WDR38: variants seen among roughly 807,000 people sequenced by gnomAD.
The protein encoded by WDR38 is WD repeat-containing protein 38.
A neutral mutation model predicts 36.6 loss-of-function variants in WDR38; 37 were observed. The observed-to-expected ratio is 1.01, with a 90% CI of 0.78 to 1.33. The LOEUF (loss-of-function observed/expected upper bound fraction) is 1.33. Among genes scored for constraint, WDR38 ranks in the 40% most tolerant of loss-of-function variants. The pLI is 0.00. For missense variants in WDR38, 411 were observed against 414.6 expected, an observed-to-expected ratio of 0.99 and a Z score of 0.07; for synonymous variants, 164 against 168.1, an observed-to-expected ratio of 0.98 and a Z score of 0.19.
chr9:124,854,230 A>G lies in WDR38; in HGVS notation c.95A>G (p.Asp32Gly), dbSNP rs745846952. ...GEVNSSAFSP[D>G]GQMLLTGSED... ...GTCAACTCTTCTGCCTTCTCCCCTG[A>G]TGGCCAGATGCTGCTCACAGGCTCA... The change falls in exon 2 of 9, where the codon GAT becomes GGT. Residue 32 changes from aspartate (D) to glycine (G), a missense_variant. Physicochemically the swap from Asp to Gly is moderately conservative, Grantham distance 94 (BLOSUM62 -1). Coordinates refer to ENST00000373574, the MANE Select transcript of WDR38 (RefSeq NM_001045476.3). The G allele has an allele frequency of 3.7e-6, 6 of 1,614,138 alleles. No individual in the cohort carries two copies. Among genetic ancestry groups the G allele is most frequent in the Middle Eastern group, 1.6e-4 (1 of 6,062 alleles).
rs1829123501 is a variant in WDR38 at position 124,857,726 on chromosome 9, C to T, written c.*96C>T. 2.6e-6 allele frequency: 4 copies of T among 1,563,942 alleles called. No individual in the cohort carries two copies. In the South Asian group the frequency reaches 3.5e-5, roughly 14 times the overall value. On this transcript the variant is annotated 3_prime_UTR_variant, in exon 9 of 9. Transcript: ENST00000373574. ...CACAGACGCAAAGTGACTGTGCTGG[C>T]ATCCAGCAGATCCCCATGGCCAGGA... is the stretch of plus-strand genomic sequence containing the variant.
Position 124,856,569 on chromosome 9 carries a change from G to C in WDR38, c.587G>C (p.Ser196Thr). Residue 196 changes from serine to threonine, a missense_variant, in exon 6 of 9, where the codon AGC becomes ACC. Coordinates refer to ENST00000373574, the MANE Select transcript of WDR38 (RefSeq NM_001045476.3). ...QALEGHSANISCLCYSASGLL... is the reference protein window; with the variant it reads ...QALEGHSANITCLCYSASGLL... ...CTAGAGGGACACAGTGCCAACATCA[G>C]CTGCCTGTGCTATTCAGCATCCGGC... The C allele has an allele frequency of 6.2e-7, 1 of 1,613,874 alleles. No individual in the cohort carries two copies. Among genetic ancestry groups the C allele is most frequent in the Non-Finnish European group, 8.5e-7 (1 of 1,179,940 alleles).
rs921463883 is a variant in WDR38, at chr9:124,856,464, T to G, written c.487-5T>G. 3.7e-6 allele frequency: 6 copies of G among 1,612,066 alleles called. No individual in the cohort carries two copies. The highest frequency in any genetic ancestry group is 5.1e-6 in the Non-Finnish European group (6 of 1,179,154). On this transcript the variant is annotated splice_polypyrimidine_tract_variant and splice_region_variant and intron_variant, in intron 5 of 8. Transcript: ENST00000373574. Reference sequence around the variant, plus strand: ...CTGGGCCAGACTCACAGAAGCTGCCTGCAGGCCACCGGCTCCTGGGACTCC... The same window carrying G: ...CTGGGCCAGACTCACAGAAGCTGCCGGCAGGCCACCGGCTCCTGGGACTCC...
At chr9:124,857,287 TG>T in intron 7 of WDR38, 76 bp from the exon 8 acceptor site, 1 of 1,588,598 alleles carries the variant, frequency 6.3e-7, no homozygotes, top group African/African-American at 1.3e-5. Context: ...ATATTTTGTC[TG>T]GGACTTTCCT....
chr9:124,855,771 G>T, intron 3 of WDR38, 21 bp downstream of exon 3: 2 of 1,613,186 alleles, frequency 1.2e-6, no homozygotes, highest in Non-Finnish European at 8.5e-7. Context: ...TGGGAGCCAA[G>T]CAGCCAGGCC....
At position 124,855,845 on chromosome 9, in the gene WDR38, G is replaced by A. The variant is rs376579948; in HGVS notation, c.308-16G>A. On this transcript the variant is annotated splice_polypyrimidine_tract_variant and intron_variant, in intron 3 of 8. Transcript: ENST00000373574. The stretch of plus-strand genomic sequence containing the variant: ...TCACCTTTCCACCTTCCCCGACCCC[G>A]GGCTGGTGCCTGCAGGTCACCAACG... 72 of 1,613,926 alleles carry A rather than the reference G, an allele frequency of 4.5e-5. No homozygotes were observed. The African/African-American group carries it at 8.3e-4, about 19-fold the overall frequency.
chr9:124,856,371 TG>T, intron 5 of WDR38, 51 bp downstream of exon 5: 2 of 1,613,348 alleles, frequency 1.2e-6, no homozygotes, highest in Non-Finnish European at 8.5e-7. Flanking sequence ...CATACCCACT[TG>T]GAGCTGAGTG....
At position 124,853,507 on chromosome 9, in the gene WDR38, C is replaced by CG; in HGVS notation, c.-21dup. On this transcript the variant is annotated 5_prime_UTR_variant, in exon 1 of 9. Coordinates refer to ENST00000373574, the MANE Select transcript of WDR38 (RefSeq NM_001045476.3). The stretch of plus-strand genomic sequence containing the variant: ...CGCGGCCGCCTAGGAGGGAGCCCGC[C>CG]GGGGCGGGGCGGGGCCGGGTGCCCA... 1 of 1,239,094 alleles carries CG rather than the reference C, an allele frequency of 8.1e-7. No homozygotes were observed. 76.8% of individuals were successfully genotyped at this position (1,239,094 alleles called of 1,614,324 possible).
chr9:124,857,593 C>T lies in WDR38; in HGVS notation c.908C>T (p.Ser303Phe), dbSNP rs1829117816. Reference protein sequence around the residue: ...GAADQTRRQISRTSKSPRDPQ... With the variant: ...GAADQTRRQIFRTSKSPRDPQ... Reference sequence around the variant, plus strand: ...GCCGATCAGACTAGACGTCAAATATCCCGCACGTCCAAATCACCCAGGGAC... The same window carrying T: ...GCCGATCAGACTAGACGTCAAATATTCCGCACGTCCAAATCACCCAGGGAC... The change falls in exon 9 of 9, where the codon TCC (serine) becomes TTC (phenylalanine). Residue 303 changes from serine (S) to phenylalanine (F), a missense_variant. Transcript: ENST00000373574. 6.2e-7 allele frequency: 1 copy of T among 1,614,048 alleles called. No individual in the cohort carries two copies. The highest frequency in any genetic ancestry group is 8.5e-7 in the Non-Finnish European group (1 of 1,180,040).
Position 124,856,496 on chromosome 9 carries a change from C to G in WDR38, c.514C>G (p.His172Asp), listed in dbSNP as rs775409428. 1.2e-6 allele frequency: 2 copies of G among 1,612,306 alleles called. No homozygotes were observed. Among genetic ancestry groups the G allele is most frequent in the Non-Finnish European group, 1.7e-6 (2 of 1,179,212 alleles). Residue 172 changes from histidine to aspartate, a missense_variant, in exon 6 of 9, where the codon CAC (histidine) becomes GAC (aspartate). Coordinates refer to ENST00000373574, the MANE Select transcript of WDR38 (RefSeq NM_001045476.3). ...CACCGGCTCCTGGGACTCCACCGTA[C>G]ACATCTGGGACCTGCGGATGGTGAC... ...LATGSWDSTV[H>D]IWDLRMVTPA...
rs1828968183 is a variant in WDR38, at chr9:124,853,715, C to T, written c.69+115C>T. 3.5e-6 allele frequency: 3 copies of T among 851,872 alleles called. No individual in the cohort carries two copies. The South Asian group carries it at 1.8e-4, about 51-fold the overall frequency. 52.8% of individuals were successfully genotyped at this position (851,872 alleles called of 1,614,324 possible). ...GGGCAGTGGCTCAGGACATTGAGTC[C>T]AGAGTAGACTTTGCTAACCCAAGAA... On this transcript the variant is annotated intron_variant, in intron 1 of 8. Transcript: ENST00000373574.
chr9:124,855,516 A>C, intron 2 of WDR38, 118 bp from the exon 3 acceptor site: 1 of 1,005,436 alleles, frequency 9.9e-7, no homozygotes, highest in Non-Finnish European at 1.5e-6. Flanking sequence ...ATTTCTGGGA[A>C]GCTGGAGTTT....
intron 2 of WDR38, 129 bp downstream of exon 2, chr9:124,854,454 C>T (rs1241390319): frequency 4.2e-6 from 6 of 1,424,986 alleles, no homozygotes; most frequent in South Asian, 2.5e-5. Context: ...GGAGATGGGA[C>T]GAGATATCTG....
At chr9:124,856,654 TA>T in intron 6 of WDR38, 54 bp downstream of exon 6, 1 of 1,612,648 alleles carries the variant, frequency 6.2e-7, no homozygotes, top group Non-Finnish European at 8.5e-7. Flanking sequence ...GCCAGGCCCT[TA>T]AGGGTCCCAG....
In WDR38 at chr9:124,857,514, G is replaced by A; in HGVS notation, c.829G>A (p.Val277Met). 2 of 1,614,192 alleles carry A rather than the reference G, an allele frequency of 1.2e-6. No homozygotes were observed. The highest frequency in any genetic ancestry group is 1.7e-6 in the Non-Finnish European group (2 of 1,180,032). Residue 277 changes from valine (V) to methionine (M), a missense_variant, in exon 9 of 9, where the codon GTG becomes ATG. By Grantham distance (21) the Val-to-Met change is conservative. Coordinates refer to ENST00000373574, the MANE Select transcript of WDR38 (RefSeq NM_001045476.3). ...CLETLKGVLD[V>M]AHTCAFTPDG... ...CTACTCTTAGCAGGGAGTCCTGGAT[G>A]TGGCCCACACCTGTGCCTTCACCCC...
intron 2 of WDR38, among the ~76,000 whole-genome samples, chr9:124,854,669 A>G (rs894233033): frequency 2.0e-5 from 3 of 152,086 alleles, no homozygotes; most frequent in African/African-American, 7.2e-5. Flanking sequence ...GGTTCAAGCA[A>G]TTCTCTGCCT....
rs368807375 is a variant in WDR38, at chr9:124,856,764, C to T, written c.651C>T (p.Ile217=). 8.5e-5 allele frequency: 137 copies of T among 1,614,130 alleles called. No homozygotes were observed. Among genetic ancestry groups the T allele is most frequent in the Admixed American group, 1.2e-4 (7 of 60,014 alleles). ...GCTCCTGGGACAAGACCATCCACAT[C>T]TGGAAGCCCACAACCAGCAGCCTGC... ...ASGSWDKTIH[I]WKPTTSSLLI... is the part of the protein sequence containing the mutation. Residue 217 remains isoleucine, a synonymous_variant, in exon 7 of 9, where the codon ATC becomes ATT. Transcript: ENST00000373574.
At position 124,856,800 on chromosome 9, in the gene WDR38, G is replaced by A; in HGVS notation, c.687G>A (p.Leu229=). The change falls in exon 7 of 9, where the codon CTG becomes CTA. Residue 229 remains leucine (L), a synonymous_variant. Coordinates refer to ENST00000373574, the MANE Select transcript of WDR38 (RefSeq NM_001045476.3). ...CAACCAGCAGCCTGCTTATCCAACT[G>A]AAGGGCCATGTCACCTGGGTGAAGA... is the stretch of plus-strand genomic sequence containing the variant. The part of the protein sequence containing the change: ...KPTTSSLLIQ[L]KGHVTWVKSI... 5 of 1,614,238 alleles carry A rather than the reference G, an allele frequency of 3.1e-6. No homozygotes were observed. The highest frequency in any genetic ancestry group is 3.4e-6 in the Non-Finnish European group (4 of 1,180,048).
Position 124,855,984 on chromosome 9 carries a change from G to T in WDR38, c.405+26G>T, listed in dbSNP as rs754210900. 9 of 1,613,338 alleles carry T rather than the reference G, an allele frequency of 5.6e-6. No individual in the cohort carries two copies. The Admixed American group carries it at 1.5e-4, about 27-fold the overall frequency. On this transcript the variant is annotated intron_variant, in intron 4 of 8. Coordinates refer to ENST00000373574, the MANE Select transcript of WDR38 (RefSeq NM_001045476.3). ...GTACGTTGAGGGGCTGGGGCCACCA[G>T]TCTGGGATTCAAGGACCAGTTCCAG...
Sources: allele counts gnomAD v4.1 joint callset (sites outside exome capture counted in the v4.1 genomes callset), GRCh38; gene constraint gnomAD v4.1.1; transcripts MANE v1.5; gene names NCBI Gene and HGNC (gene_info 2026-07-23, HGNC 2026-07-21).